Variants in NRXN1 observed in about 807,000 individuals in gnomAD.
NRXN1 encodes the protein neurexin-1.
In NRXN1, 39 loss-of-function variants were observed where a neutral mutation model predicts 150.9. The observed-to-expected ratio is 0.26, with a 90% confidence interval of 0.20 to 0.34. The LOEUF (loss-of-function observed/expected upper bound fraction) is 0.34. NRXN1 is among the 10% of genes least tolerant of loss of function. The pLI is 1.00. For synonymous variants in NRXN1, 924 were observed against 757.0 expected, an observed-to-expected ratio of 1.22 and a Z score of -3.62; for missense variants, 1,815 against 1,949.9, an observed-to-expected ratio of 0.93 and a Z score of 1.30.
chr2:50,725,475 T>C (rs1697226278), intron 5 of NRXN1, among the ~76,000 whole-genome samples: 1 of 152,180 alleles, frequency 6.6e-6, no homozygotes, highest in South Asian at 2.1e-4. Flanking sequence ...ATTACAGGTA[T>C]TGTAAAGGGT....
At chr2:49,942,446 A>G (rs1672149868) in intron 22 of NRXN1, among the ~76,000 whole-genome samples, 1 of 152,070 alleles carries the variant, frequency 6.6e-6, no homozygotes, top group Non-Finnish European at 1.5e-5. Context: ...GATTTACTCT[A>G]AAATGGTATT....
chr2:50,114,184 T>C (rs1472421699), intron 18 of NRXN1, among the ~76,000 whole-genome samples: 1 of 152,108 alleles, frequency 6.6e-6, no homozygotes, highest in Non-Finnish European at 1.5e-5. Flanking sequence ...GAAAACAAGA[T>C]AGATTTAAAA....
intron 5 of NRXN1, among the ~76,000 whole-genome samples, chr2:50,872,725 C>T (rs908454298): frequency 2.0e-5 from 3 of 151,520 alleles, no homozygotes; most frequent in Non-Finnish European, 3.0e-5. Context: ...GGCAAAGGTG[C>T]GAGGACCACT....
chr2:50,344,179 G>A (rs915270783), intron 17 of NRXN1, among the ~76,000 whole-genome samples: 25 of 152,072 alleles, frequency 1.6e-4, no homozygotes, highest in Admixed American at 1.2e-3. Context: ...CCTGCCTGCC[G>A]TGTTCTCAGT....
At chr2:50,054,839 T>C (rs1399633689) in intron 20 of NRXN1, 116 bp downstream of exon 20, 16 of 655,154 alleles carry the variant, frequency 2.4e-5, no homozygotes. Context: ...TTAAAGTTGT[T>C]TTTAATTTAG....
At chr2:50,499,046 C>A (rs373914335) in intron 13 of NRXN1, among the ~76,000 whole-genome samples, 51 of 152,278 alleles carry the variant, frequency 3.3e-4, no homozygotes, top group African/African-American at 1.2e-3. Flanking sequence ...CCCCTTTGGC[C>A]AGTTTGACAA....
chr2:50,295,278 T>C (rs934674776), intron 17 of NRXN1, among the ~76,000 whole-genome samples: 1 of 152,164 alleles, frequency 6.6e-6, no homozygotes, highest in African/African-American at 2.4e-5. Flanking sequence ...AATTCAACCT[T>C]TGATTATAAG....
intron 21 of NRXN1, among the ~76,000 whole-genome samples, chr2:50,009,255 T>C (rs1041181413): frequency 6.6e-6 from 1 of 152,130 alleles, no homozygotes; most frequent in African/African-American, 2.4e-5. Flanking sequence ...TGTCACAATC[T>C]CTGCAGTCAC....
intron 17 of NRXN1, among the ~76,000 whole-genome samples, chr2:50,396,179 C>T (rs1468945485): frequency 2.0e-5 from 3 of 152,176 alleles, no homozygotes; most frequent in Non-Finnish European, 4.4e-5. Flanking sequence ...CACATGCAAA[C>T]AGGCAGAACT....
intron 5 of NRXN1, among the ~76,000 whole-genome samples, chr2:50,824,512 T>C (rs1559314982): frequency 6.6e-6 from 1 of 152,166 alleles, no homozygotes; most frequent in African/African-American, 2.4e-5. Context: ...AGTAGTTGCT[T>C]TTAAAACTCT....
intron 21 of NRXN1, among the ~76,000 whole-genome samples, chr2:49,945,565 G>A (rs1398163404): frequency 3.3e-5 from 5 of 151,988 alleles, no homozygotes; most frequent in Non-Finnish European, 5.9e-5. Context: ...AGGCCCAAGT[G>A]TGTGATGTTC....
At chr2:50,195,216 A>C (rs530372219) in intron 18 of NRXN1, among the ~76,000 whole-genome samples, 1 of 152,298 alleles carries the variant, frequency 6.6e-6, no homozygotes, top group South Asian at 2.1e-4. Flanking sequence ...GATTTGAACC[A>C]TATACATTCC....
At chr2:49,991,601 T>A (rs1190012860) in intron 21 of NRXN1, among the ~76,000 whole-genome samples, 1 of 152,120 alleles carries the variant, frequency 6.6e-6, no homozygotes, top group African/African-American at 2.4e-5. Context: ...AGTAAGTAAA[T>A]AATGGATAGA....
chr2:50,264,064 A>T lies in NRXN1; in HGVS notation c.3365-27094T>A, dbSNP rs141264525. 1.7e-4 allele frequency among the ~76,000 whole-genome samples: 26 copies of T among 152,258 alleles called. No homozygotes were observed. The East Asian group carries it at 4.4e-3, about 26-fold the overall frequency. On this transcript the variant is annotated intron_variant, in intron 17 of 22. Coordinates refer to ENST00000401669, the MANE Select transcript of NRXN1 (RefSeq NM_001330078.2). ...CCTGCTATATTTCTTCTAACATACCAAAATGGCTTGTATGGGAAATGATTA... is the reference window on the plus strand; with the variant it reads ...CCTGCTATATTTCTTCTAACATACCTAAATGGCTTGTATGGGAAATGATTA...
At position 50,333,356 on chromosome 2, in the gene NRXN1, C is replaced by T. The variant is rs577474615; in HGVS notation, c.3365-96386G>A. ...AAATCTTCCATATTTAATTTACAGG[C>T]TTGTGCAGATTTCATATGAAATAAA... On this transcript the variant is annotated intron_variant, in intron 17 of 22. Coordinates refer to ENST00000401669, the MANE Select transcript of NRXN1 (RefSeq NM_001330078.2). Among the ~76,000 whole-genome samples the T allele has an allele frequency of 1.1e-3, 170 of 152,164 alleles. 1 individual carries two copies. Among genetic ancestry groups the T allele is most frequent in the African/African-American group, 3.9e-3 (163 of 41,526 alleles).
At chr2:50,729,815 A>G (rs997575143) in intron 5 of NRXN1, among the ~76,000 whole-genome samples, 4 of 152,224 alleles carry the variant, frequency 2.6e-5, no homozygotes, top group East Asian at 3.9e-4. Flanking sequence ...CAGAGTCACA[A>G]TTCTCTTCAG....
rs554318496 is a variant in NRXN1 at position 50,465,924 on chromosome 2, T to C, written c.3245-363A>G. On this transcript the variant is annotated intron_variant, in intron 16 of 22. Transcript: ENST00000401669. The stretch of plus-strand genomic sequence containing the variant: ...TCTCCTTAACATTCTGACCAATGAA[T>C]AGAGACATAATGAGAAATGGAGATT... Among the ~76,000 whole-genome samples, 7 of 151,916 alleles carry C rather than the reference T, an allele frequency of 4.6e-5. No individual in the cohort carries two copies. In the South Asian group the frequency reaches 1.5e-3, roughly 31 times the overall value.
chr2:50,359,811 T>C (rs960682154), intron 17 of NRXN1, among the ~76,000 whole-genome samples: 6 of 152,018 alleles, frequency 3.9e-5, no homozygotes, highest in Non-Finnish European at 2.9e-5. Flanking sequence ...ATCATCAGAT[T>C]CACCAAGGTT....
intron 22 of NRXN1, among the ~76,000 whole-genome samples, chr2:49,932,032 A>C (rs1479540295): frequency 1.3e-5 from 2 of 152,156 alleles, no homozygotes; most frequent in African/African-American, 4.8e-5. Flanking sequence ...TGGCAACATT[A>C]TAGCTAGAGT....
Sources: gnomAD v4.1 joint callset for allele counts (sites outside exome capture counted in the v4.1 genomes callset) on GRCh38, gnomAD v4.1.1 for gene constraint, MANE v1.5 for transcripts, NCBI Gene and HGNC (gene_info 2026-07-23, HGNC 2026-07-21) for gene names.